The following AUNIP variants were observed in gnomAD, a reference collection of about 807,000 sequenced individuals.
The protein encoded by AUNIP is aurora kinase A- and ninein-interacting protein.
In AUNIP, 16 loss-of-function variants were observed where a neutral mutation model predicts 12.2. The ratio of observed to expected loss-of-function variants is 1.31; its 90% CI spans 0.88 to 1.99. The LOEUF (loss-of-function observed/expected upper bound fraction) is 1.99, where lower values mean the gene tolerates loss of function less well. Among genes scored for constraint, AUNIP ranks in the 30% most tolerant of loss-of-function variants. AUNIP has a pLI of 0.00. For missense variants in AUNIP, 411 were observed against 419.1 expected, an observed-to-expected ratio of 0.98 and a Z score of 0.17; for synonymous variants, 142 against 154.8, an observed-to-expected ratio of 0.92 and a Z score of 0.61.
intron 2 of AUNIP, 87 bp downstream of exon 2, chr1:25,837,326 A>C: frequency 6.9e-7 from 1 of 1,445,560 alleles, no homozygotes; most frequent in Non-Finnish European, 9.3e-7. Context: ...TGGTTTCACC[A>C]TTTCTCATAA....
At position 25,859,392 on chromosome 1, in the gene AUNIP, C is replaced by T; in HGVS notation, c.-35G>A. The T allele has an allele frequency of 2.7e-6, 4 of 1,477,766 alleles. No homozygotes were observed. The highest frequency in any genetic ancestry group is 3.6e-6 in the Non-Finnish European group (4 of 1,123,446). 91.5% of individuals were successfully genotyped at this position (1,477,766 alleles called of 1,614,324 possible). ...GGAGACGAAGCCGGCAGGACGCCGG[C>T]GCAGGCTCCCGGCGCCTCAGGGAAC... On this transcript the variant is annotated 5_prime_UTR_variant, in exon 1 of 3. Transcript: ENST00000374298.
intron 1 of AUNIP, among the ~76,000 whole-genome samples, chr1:25,845,392 G>T (rs2048374630): frequency 6.6e-6 from 1 of 152,068 alleles, no homozygotes; most frequent in African/African-American, 2.4e-5. Flanking sequence ...AGCCCTCCAT[G>T]CATCCCATAA....
In AUNIP at chr1:25,859,407, C is replaced by T; in HGVS notation, c.-50G>A. On this transcript the variant is annotated 5_prime_UTR_variant, in exon 1 of 3. Transcript: ENST00000374298. ...AGGACGCCGGCGCAGGCTCCCGGCG[C>T]CTCAGGGAACGCCAGAACCGCGGCC... 2 of 1,456,126 alleles carry T rather than the reference C, an allele frequency of 1.4e-6. No homozygotes were observed. Among genetic ancestry groups the T allele is most frequent in the Middle Eastern group, 2.0e-4 (1 of 5,030 alleles). The allele number at this position is 1,456,126 out of a possible 1,614,324, so 90.2% of individuals were successfully genotyped here. A position where few individuals can be genotyped will look rare whatever the true frequency, so the allele number is the denominator to read the frequency against.
intron 1 of AUNIP, 122 bp from the exon 2 acceptor site, chr1:25,837,676 C>A: frequency 1.0e-6 from 1 of 982,314 alleles, no homozygotes; most frequent in Non-Finnish European, 1.4e-6. Context: ...CCACTTATAG[C>A]CTATTCTCAA....
At chr1:25,855,827 G>C (rs1356958440) in intron 1 of AUNIP, among the ~76,000 whole-genome samples, 1 of 152,158 alleles carries the variant, frequency 6.6e-6, no homozygotes, top group Non-Finnish European at 1.5e-5. Context: ...TCTCTGGGTT[G>C]GAAGTCAGAG....
In AUNIP at chr1:25,834,412, G is replaced by A; in HGVS notation, c.*581C>T. 1 of 895,214 alleles carries A rather than the reference G, an allele frequency of 1.1e-6. No homozygotes were observed. Among genetic ancestry groups the A allele is most frequent in the Non-Finnish European group, 1.3e-6 (1 of 748,068 alleles). The allele number at this position is 895,214 out of a possible 1,614,324, so 55.5% of individuals were successfully genotyped here. On this transcript the variant is annotated 3_prime_UTR_variant, in exon 3 of 3. Coordinates refer to ENST00000374298, the MANE Select transcript of AUNIP (RefSeq NM_024037.3). ...GGGCGGATCAGGAGGTCAGGAGATG[G>A]AGACCATCCTGGCTAATATGGTGAA...
At chr1:25,852,989 G>A (rs1391906330) in intron 1 of AUNIP, among the ~76,000 whole-genome samples, 2 of 152,044 alleles carry the variant, frequency 1.3e-5, no homozygotes, top group Non-Finnish European at 2.9e-5. Context: ...CCATTATGGA[G>A]AATATACTTT....
Position 25,839,686 on chromosome 1 carries a change from G to A in AUNIP, c.79-2132C>T, listed in dbSNP as rs530050473. ...TCAATATTCTTTTTTTTTTTGAGACGAAGTCTCACTCTTGTTGCCCAGGCT... is the reference window on the plus strand; with the variant it reads ...TCAATATTCTTTTTTTTTTTGAGACAAAGTCTCACTCTTGTTGCCCAGGCT... On this transcript the variant is annotated intron_variant, in intron 1 of 2. Transcript: ENST00000374298. Among the ~76,000 whole-genome samples the A allele has an allele frequency of 4.6e-5, 7 of 151,212 alleles. No individual in the cohort carries two copies. The South Asian group carries it at 6.2e-4, about 13-fold the overall frequency.
chr1:25,852,966 T>C (rs1422972474), intron 1 of AUNIP, among the ~76,000 whole-genome samples: 1 of 152,256 alleles, frequency 6.6e-6, no homozygotes, highest in Non-Finnish European at 1.5e-5. Flanking sequence ...TGTTACTGAT[T>C]TCTACTTTCA....
At position 25,846,168 on chromosome 1, in the gene AUNIP, C is replaced by A. The variant is rs935839861; in HGVS notation, c.79-8614G>T. 4.6e-5 allele frequency among the ~76,000 whole-genome samples: 7 copies of A among 152,242 alleles called. No homozygotes were observed. In the South Asian group the frequency reaches 1.0e-3, roughly 23 times the overall value. On this transcript the variant is annotated intron_variant, in intron 1 of 2. Coordinates refer to ENST00000374298, the MANE Select transcript of AUNIP (RefSeq NM_024037.3). ...GGTGCGGCGGCTCACGCCTGTAATC[C>A]CAGCACTTTGGGAGGTCAAGGCAGG...
intron 1 of AUNIP, among the ~76,000 whole-genome samples, chr1:25,856,797 T>C (rs191781724): frequency 2.5e-4 from 38 of 152,092 alleles, no homozygotes; most frequent in African/African-American, 8.4e-4. Flanking sequence ...CCTAATTCTA[T>C]TTCTGTTCTC....
chr1:25,833,021 T>C (rs2048266889), downstream of AUNIP: 1 of 152,206 alleles, frequency 6.6e-6, no homozygotes, highest in South Asian at 2.1e-4. Flanking sequence ...TTAAGGTGTA[T>C]GAACTTAAAC....
At chr1:25,859,106 G>A (rs7553183) in intron 1 of AUNIP, among the ~76,000 whole-genome samples, 174 bp downstream of exon 1, 12,420 of 151,708 alleles carry the variant, frequency 0.082, 1,654 homozygotes, top group African/African-American at 0.28. Flanking sequence ...CCCAAGCCCC[G>A]TTTTTCAACC....
At chr1:25,845,730 G>T (rs2048378950) in intron 1 of AUNIP, among the ~76,000 whole-genome samples, 1 of 152,144 alleles carries the variant, frequency 6.6e-6, no homozygotes, top group African/African-American at 2.4e-5. Context: ...AGGTAGATAT[G>T]CAGGAAGGAT....
intron 1 of AUNIP, among the ~76,000 whole-genome samples, chr1:25,839,629 G>T (rs967673989): frequency 5.9e-5 from 9 of 151,990 alleles, no homozygotes; most frequent in African/African-American, 2.2e-4. Flanking sequence ...GTATCAAGCT[G>T]ACTAGCAAGT....
At chr1:25,857,371 G>A (rs770093331) in intron 1 of AUNIP, among the ~76,000 whole-genome samples, 2 of 148,908 alleles carry the variant, frequency 1.3e-5, no homozygotes, top group South Asian at 2.1e-4. Context: ...TCAGCCTCCC[G>A]AGTAGCTGGG....
chr1:25,832,272 CT>C, downstream of AUNIP: 1 of 1,198,194 alleles, frequency 8.3e-7, no homozygotes, highest in Non-Finnish European at 1.2e-6. Flanking sequence ...AATGAAGTAT[CT>C]TAGTTTAAAG....
chr1:25,851,926 G>A (rs1025145013), intron 1 of AUNIP, among the ~76,000 whole-genome samples: 1 of 151,654 alleles, frequency 6.6e-6, no homozygotes, highest in East Asian at 1.9e-4. Context: ...GTAGAGATAG[G>A]GTTTTTTCAG....
chr1:25,843,183 A>ATAT (rs1188949749), intron 1 of AUNIP, among the ~76,000 whole-genome samples: 36 of 114,270 alleles, frequency 3.2e-4, no homozygotes, highest in African/African-American at 7.3e-4. Flanking sequence ...AAAAAAAAAA[A>ATAT]AAATATATAT....
Sources: allele counts gnomAD v4.1 joint callset (sites outside exome capture counted in the v4.1 genomes callset), GRCh38; gene constraint gnomAD v4.1.1; transcripts MANE v1.5; gene names NCBI Gene and HGNC (gene_info 2026-07-23, HGNC 2026-07-21).